The following RCOR1 variants were observed in gnomAD, a reference collection of about 807,000 sequenced individuals.
RCOR1 encodes the protein REST corepressor.
Under a neutral mutation model 64.0 loss-of-function variants are expected in RCOR1, and 12 were observed. That is an observed-to-expected ratio of 0.19 (90% CI 0.12 to 0.30). The LOEUF (loss-of-function observed/expected upper bound fraction) is 0.30, where lower values mean the gene tolerates loss of function less well. Ranked by LOEUF, RCOR1 falls within the 10% of genes least tolerant of loss-of-function variation. The probability of loss-of-function intolerance (pLI) is 1.00; values close to 1 mark genes in which losing one functional copy is unlikely to be tolerated. For missense variants in RCOR1, 502 were observed against 621.2 expected, an observed-to-expected ratio of 0.81 and a Z score of 2.04; for synonymous variants, 279 against 227.2, an observed-to-expected ratio of 1.23 and a Z score of -2.05.
intron 3 of RCOR1, among the ~76,000 whole-genome samples, chr14:102,693,362 A>G (rs1001848661): frequency 1.1e-4 from 16 of 151,346 alleles, no homozygotes; most frequent in African/African-American, 3.9e-4. Context: ...AGTAGGCCTG[A>G]AAGATTTGTT....
chr14:102,664,509 G>A (rs748412522), intron 2 of RCOR1, among the ~76,000 whole-genome samples: 3 of 152,220 alleles, frequency 2.0e-5, no homozygotes, highest in Non-Finnish European at 4.4e-5. Context: ...CATGGGAATA[G>A]AGTTTATGCC....
chr14:102,639,955 T>G (rs1894332857), intron 2 of RCOR1, among the ~76,000 whole-genome samples: 1 of 152,008 alleles, frequency 6.6e-6, no homozygotes, highest in Non-Finnish European at 1.5e-5. Context: ...CAAGTGATTC[T>G]CTGCCTCAGC....
intron 7 of RCOR1, among the ~76,000 whole-genome samples, chr14:102,711,411 G>T (rs1895954731): frequency 6.6e-6 from 1 of 152,350 alleles, no homozygotes; most frequent in African/African-American, 2.4e-5. Flanking sequence ...TGGGGTGACT[G>T]CAGGGAGCTG....
At chr14:102,670,754 TA>T (rs1895017047) in intron 2 of RCOR1, among the ~76,000 whole-genome samples, 2 of 149,450 alleles carry the variant, frequency 1.3e-5, no homozygotes, top group Admixed American at 6.7e-5. Flanking sequence ...TATATATATA[TA>T]TATTTATTTA....
intron 3 of RCOR1, among the ~76,000 whole-genome samples, chr14:102,687,067 A>G (rs1417432934): frequency 6.6e-6 from 1 of 152,230 alleles, no homozygotes; most frequent in Non-Finnish European, 1.5e-5. Context: ...AAGTATCTCA[A>G]TTCAGATTAT....
At chr14:102,718,630 CTTTTCT>C (rs1896115159) in intron 8 of RCOR1, among the ~76,000 whole-genome samples, 1 of 152,076 alleles carries the variant, frequency 6.6e-6, no homozygotes, top group African/African-American at 2.4e-5. Flanking sequence ...AAGTGGATGG[CTTTTCT>C]TTTTCATCTT....
At chr14:102,676,435 C>T (rs1895157335) in intron 2 of RCOR1, among the ~76,000 whole-genome samples, 1 of 122,752 alleles carries the variant, frequency 8.1e-6, no homozygotes, top group African/African-American at 3.5e-5. Flanking sequence ...CGCCCCTCAC[C>T]TCCCGGACGG....
chr14:102,708,380 G>T (rs916118432), intron 5 of RCOR1, 85 bp from the exon 6 acceptor site: 34 of 792,754 alleles, frequency 4.3e-5, no homozygotes, highest in Non-Finnish European at 7.0e-5. Context: ...GATTACAGGC[G>T]TGAGCCGCTG....
At chr14:102,725,629 G>A (rs181588422) in intron 11 of RCOR1, among the ~76,000 whole-genome samples, 1 of 152,232 alleles carries the variant, frequency 6.6e-6, no homozygotes, top group African/African-American at 2.4e-5. Flanking sequence ...AGCAAGTGGA[G>A]TGCAGTGGTA....
intron 11 of RCOR1, among the ~76,000 whole-genome samples, 176 bp downstream of exon 11, chr14:102,722,592 T>G (rs1896187411): frequency 6.6e-6 from 1 of 152,260 alleles, no homozygotes; most frequent in Non-Finnish European, 1.5e-5. Flanking sequence ...TCTTGGTGCC[T>G]GTATATTATT....
intron 2 of RCOR1, among the ~76,000 whole-genome samples, chr14:102,663,259 T>C (rs1894859573): frequency 6.6e-6 from 1 of 152,242 alleles, no homozygotes; most frequent in Non-Finnish European, 1.5e-5. Context: ...TAAATCCAGT[T>C]AAACCTCTTT....
chr14:102,716,917 A>G (rs1195142081), intron 8 of RCOR1, among the ~76,000 whole-genome samples: 1 of 152,216 alleles, frequency 6.6e-6, no homozygotes, highest in Non-Finnish European at 1.5e-5. Flanking sequence ...AAAATGGAGA[A>G]TTAACATCTT....
chr14:102,685,563 A>G (rs1340157582), intron 3 of RCOR1, among the ~76,000 whole-genome samples: 2 of 151,520 alleles, frequency 1.3e-5, no homozygotes, highest in African/African-American at 2.4e-5. Flanking sequence ...GCTCACTGCA[A>G]CCTCCACCTC....
chr14:102,655,817 G>T (rs1352003567), intron 2 of RCOR1, among the ~76,000 whole-genome samples: 1 of 152,048 alleles, frequency 6.6e-6, no homozygotes, highest in Non-Finnish European at 1.5e-5. Flanking sequence ...GCCGGGTGTG[G>T]TCACAGGCGT....
At chr14:102,705,562 C>A (rs974229664) in intron 4 of RCOR1, among the ~76,000 whole-genome samples, 3 of 152,132 alleles carry the variant, frequency 2.0e-5, no homozygotes, top group African/African-American at 7.2e-5. Flanking sequence ...AGTCCTCCTG[C>A]CTCAGCCCCC....
intron 2 of RCOR1, among the ~76,000 whole-genome samples, chr14:102,639,495 ATTTT>A (rs1188399404): frequency 4.2e-4 from 56 of 134,538 alleles, no homozygotes; most frequent in Admixed American, 1.9e-3. Context: ...TTATTTTTTA[ATTTT>A]TATTTATTTA....
Position 102,682,371 on chromosome 14 carries a change from C to G in RCOR1, c.445+393C>G, listed in dbSNP as rs555720604. Among the ~76,000 whole-genome samples the G allele has an allele frequency of 3.3e-5, 5 of 152,292 alleles. No homozygotes were observed. In the East Asian group the frequency reaches 9.6e-4, roughly 29 times the overall value. The stretch of plus-strand genomic sequence containing the variant: ...TCTCAAACTCCTGACTTCAGGTGAT[C>G]CGCCTGCCATGGCCTCCCAAAATGT... On this transcript the variant is annotated intron_variant, in intron 3 of 11. Transcript: ENST00000262241.
chr14:102,710,869 A>G (rs781455989), intron 6 of RCOR1, 66 bp from the exon 7 acceptor site: 502 of 1,114,552 alleles, frequency 4.5e-4, no homozygotes, highest in Non-Finnish European at 6.3e-4. Flanking sequence ...AGTTAAATCA[A>G]TTTATCGTTT....
At chr14:102,607,393 A>C (rs1025863578) in intron 2 of RCOR1, among the ~76,000 whole-genome samples, 1 of 152,166 alleles carries the variant, frequency 6.6e-6, no homozygotes, top group Non-Finnish European at 1.5e-5. Context: ...GGAGATGCAC[A>C]TCTTGCATAG....
Sources: gnomAD v4.1 joint callset for allele counts (sites outside exome capture counted in the v4.1 genomes callset) on GRCh38, gnomAD v4.1.1 for gene constraint, MANE v1.5 for transcripts, NCBI Gene and HGNC (gene_info 2026-07-23, HGNC 2026-07-21) for gene names.